The following GABRB1 variants were observed in gnomAD, a reference collection of about 807,000 sequenced individuals.
GABRB1 encodes gamma-aminobutyric acid receptor subunit beta-1.
A neutral mutation model predicts 51.6 loss-of-function variants in GABRB1; 17 were observed. That is an observed-to-expected ratio of 0.33 (90% CI 0.23 to 0.49). GABRB1 has a LOEUF of 0.49. Among genes scored for constraint, GABRB1 ranks in the 20% least tolerant of loss-of-function variants. The pLI, the probability that GABRB1 is intolerant of heterozygous loss-of-function variation, is 0.99. For synonymous variants in GABRB1, 247 were observed against 218.9 expected (o/e 1.13, Z -1.14); for missense variants, 410 against 600.6 (o/e 0.68, Z 3.32).
intron 3 of GABRB1, among the ~76,000 whole-genome samples, chr4:47,064,701 T>C (rs79474120): frequency 6.6e-6 from 1 of 151,768 alleles, no homozygotes; most frequent in African/African-American, 2.4e-5. Flanking sequence ...ACCTAATATT[T>C]ATATTAGCTG....
intron 3 of GABRB1, among the ~76,000 whole-genome samples, chr4:47,039,995 A>T (rs907947435): frequency 6.6e-6 from 1 of 152,202 alleles, no homozygotes; most frequent in African/African-American, 2.4e-5. Context: ...AGTAATAGTT[A>T]TTCATCTTGG....
intron 5 of GABRB1, among the ~76,000 whole-genome samples, chr4:47,383,925 A>G (rs1172263175): frequency 6.6e-6 from 1 of 152,192 alleles, no homozygotes; most frequent in African/African-American, 2.4e-5. Flanking sequence ...TCAGTGATCC[A>G]AAACTAAAAT....
At chr4:47,200,744 A>T (rs1198827837) in intron 4 of GABRB1, among the ~76,000 whole-genome samples, 1 of 152,208 alleles carries the variant, frequency 6.6e-6, no homozygotes, top group African/African-American at 2.4e-5. Context: ...AAATAGCTGT[A>T]TATGACATTG....
chr4:47,107,244 C>T (rs1382108661), intron 3 of GABRB1, among the ~76,000 whole-genome samples: 4 of 151,988 alleles, frequency 2.6e-5, no homozygotes. Context: ...AATTGCACTA[C>T]CATCAATATT....
At chr4:47,203,741 T>C (rs1411609781) in intron 4 of GABRB1, among the ~76,000 whole-genome samples, 1 of 152,002 alleles carries the variant, frequency 6.6e-6, no homozygotes, top group East Asian at 1.9e-4. Flanking sequence ...GCCATGCATA[T>C]TGATTTTTCT....
chr4:47,251,685 C>T (rs899793180), intron 4 of GABRB1, among the ~76,000 whole-genome samples: 1 of 152,110 alleles, frequency 6.6e-6, no homozygotes, highest in African/African-American at 2.4e-5. Flanking sequence ...GTACAGGAAG[C>T]AACAGAAAGG....
intron 4 of GABRB1, among the ~76,000 whole-genome samples, chr4:47,239,178 C>G (rs1721433326): frequency 6.6e-6 from 1 of 152,140 alleles, no homozygotes; most frequent in Non-Finnish European, 1.5e-5. Flanking sequence ...ATGTAACTAT[C>G]TCAATCAAGA....
intron 3 of GABRB1, among the ~76,000 whole-genome samples, chr4:47,103,997 C>T (rs1714838170): frequency 6.6e-6 from 1 of 151,636 alleles, no homozygotes; most frequent in Non-Finnish European, 1.5e-5. Flanking sequence ...TCTAGCATTC[C>T]TTATGTCTTG....
chr4:47,113,143 T>C (rs1057177413), intron 3 of GABRB1, among the ~76,000 whole-genome samples: 3 of 152,076 alleles, frequency 2.0e-5, no homozygotes, highest in Admixed American at 6.5e-5. Flanking sequence ...CCCAGCACTT[T>C]GGGAAGCCAA....
intron 5 of GABRB1, among the ~76,000 whole-genome samples, chr4:47,402,318 A>G (rs1728423119): frequency 6.6e-6 from 1 of 152,212 alleles, no homozygotes; most frequent in Non-Finnish European, 1.5e-5. Context: ...TTATGTGGTT[A>G]CCTTTGAAAC....
intron 4 of GABRB1, among the ~76,000 whole-genome samples, chr4:47,260,401 T>C (rs1722384182): frequency 6.6e-6 from 1 of 152,266 alleles, no homozygotes; most frequent in East Asian, 1.9e-4. Flanking sequence ...CTCATTAGTT[T>C]ATGCAGTTTC....
intron 4 of GABRB1, among the ~76,000 whole-genome samples, chr4:47,224,268 A>G (rs1720870274): frequency 6.6e-6 from 1 of 151,476 alleles, no homozygotes; most frequent in South Asian, 2.1e-4. Flanking sequence ...TCAAAAGGCT[A>G]CAGGTGACTC....
rs952439311 is a variant in GABRB1, at chr4:47,031,631, T to C, written c.-21T>C. The C allele has an allele frequency of 3.1e-6, 5 of 1,587,488 alleles. No homozygotes were observed. Among genetic ancestry groups the C allele is most frequent in the Non-Finnish European group, 4.3e-6 (5 of 1,156,136 alleles). On this transcript the variant is annotated 5_prime_UTR_variant, in exon 1 of 9. Transcript: ENST00000295454. The stretch of plus-strand genomic sequence containing the variant: ...CCTTGAATCTTCGCAGAAAAGACAA[T>C]TCTTTTAATCAGAGTTAGTAATGTG...
chr4:47,324,917 C>A (rs1240306098), intron 5 of GABRB1, among the ~76,000 whole-genome samples: 1 of 152,214 alleles, frequency 6.6e-6, no homozygotes, highest in Non-Finnish European at 1.5e-5. Context: ...CGTTCTATTG[C>A]AAGTATCATC....
intron 3 of GABRB1, among the ~76,000 whole-genome samples, chr4:47,114,472 C>T (rs554768746): frequency 1.3e-5 from 2 of 152,128 alleles, no homozygotes; most frequent in African/African-American, 4.8e-5. Flanking sequence ...TATTTTGTGG[C>T]CATCTGCCAA....
intron 3 of GABRB1, among the ~76,000 whole-genome samples, chr4:47,093,486 G>C (rs528893512): frequency 6.6e-6 from 1 of 152,218 alleles, no homozygotes; most frequent in Admixed American, 6.5e-5. Context: ...TTGTCCATTA[G>C]TTTTGACTCC....
intron 3 of GABRB1, among the ~76,000 whole-genome samples, chr4:47,101,613 C>A (rs140209634): frequency 6.6e-6 from 1 of 152,010 alleles, no homozygotes; most frequent in East Asian, 1.9e-4. Context: ...AAAATCCCTT[C>A]TGTCTGAGAT....
intron 3 of GABRB1, among the ~76,000 whole-genome samples, chr4:47,077,217 T>C (rs1727596440): frequency 6.6e-6 from 1 of 152,208 alleles, no homozygotes; most frequent in Non-Finnish European, 1.5e-5. Flanking sequence ...CCATGGGTAT[T>C]ACCAGATCTG....
chr4:47,029,151 A>G (rs145399002), upstream of GABRB1, among the ~76,000 whole-genome samples: 81 of 151,964 alleles, frequency 5.3e-4, no homozygotes, highest in Non-Finnish European at 9.9e-4. Flanking sequence ...ACTGCCATAA[A>G]TATTCTTAGA....
Sources: allele counts gnomAD v4.1 joint callset (sites outside exome capture counted in the v4.1 genomes callset), GRCh38; gene constraint gnomAD v4.1.1; transcripts MANE v1.5; gene names NCBI Gene and HGNC (gene_info 2026-07-23, HGNC 2026-07-21).